Variants in AKAP13 observed in about 807,000 individuals in gnomAD.
AKAP13 encodes A-kinase anchoring protein 13, also known as A-kinase anchor protein 13.
Under a neutral mutation model 264.5 loss-of-function variants are expected in AKAP13, and 80 were observed. That is an observed-to-expected ratio of 0.30 (90% confidence interval 0.25 to 0.36). The LOEUF is 0.36. Ranked by LOEUF, AKAP13 falls within the 10% of genes least tolerant of loss-of-function variation. AKAP13 has a pLI of 1.00. For synonymous variants in AKAP13, 1,380 were observed against 1,250.2 expected (o/e 1.10, Z -2.19); for missense variants, 3,712 against 3,435.2 (o/e 1.08, Z -2.01).
intron 8 of AKAP13, among the ~76,000 whole-genome samples, chr15:85,592,137 G>GT (rs1375529593): frequency 1.6e-5 from 2 of 124,838 alleles, no homozygotes; most frequent in Admixed American, 8.9e-5. Flanking sequence ...CAGTATTCAT[G>GT]TTTTTTTCTT....
chr15:85,512,811 TTTTATGTATGTATGTATGTA>T (rs1567097212), intron 2 of AKAP13, among the ~76,000 whole-genome samples: 1 of 144,452 alleles, frequency 6.9e-6, no homozygotes, highest in Non-Finnish European at 1.5e-5. Context: ...TGTTGACTAT[TTTTATGTATGTATGTATGTA>T]TGTATGTATG....
chr15:85,534,066 C>T (rs1174624012), intron 4 of AKAP13, 186 bp downstream of exon 4: 2 of 591,804 alleles, frequency 3.4e-6, no homozygotes, highest in Non-Finnish European at 5.6e-6. Flanking sequence ...AGCTGTTAAG[C>T]ATGTTGTTGC....
rs1007821538 is a variant in AKAP13, at chr15:85,571,846, G to A, written c.663-3285G>A. On this transcript the variant is annotated intron_variant, in intron 5 of 36. Transcript: ENST00000394518. ...TCAGTAGCAACAGATATTCATGGAA[G>A]CCAGTGGGAAGATACTTGCAATGAC... Among the ~76,000 whole-genome samples the A allele has an allele frequency of 2.0e-5, 3 of 152,216 alleles. No individual in the cohort carries two copies. In the East Asian group the frequency reaches 5.8e-4, roughly 29 times the overall value.
At chr15:85,645,690 GGAAGA>G (rs1200765946) in intron 9 of AKAP13, 123 bp from the exon 10 acceptor site, 6 of 985,622 alleles carry the variant, frequency 6.1e-6, no homozygotes, top group Non-Finnish European at 8.6e-6. Flanking sequence ...AAGGAGGGAA[GGAAGA>G]GAAAAGAGTG....
At chr15:85,521,600 C>T (rs1263659325) in intron 3 of AKAP13, 25 bp downstream of exon 3, 14 of 1,609,166 alleles carry the variant, frequency 8.7e-6, no homozygotes, top group East Asian at 4.5e-5. Context: ...GGGATCCTTA[C>T]TAGCTTTTCC....
intron 33 of AKAP13, among the ~76,000 whole-genome samples, chr15:85,738,118 C>T (rs2088675296): frequency 1.3e-5 from 2 of 152,058 alleles, no homozygotes; most frequent in South Asian, 4.2e-4. Flanking sequence ...ATAAGAGGGG[C>T]CGGGCTCGGT....
intron 3 of AKAP13, among the ~76,000 whole-genome samples, chr15:85,529,351 G>A (rs1031850337): frequency 3.3e-5 from 5 of 152,174 alleles, no homozygotes; most frequent in East Asian, 1.9e-4. Context: ...AACCCGGGAC[G>A]CAGAGCTTGC....
At chr15:85,614,887 A>G (rs74025637) in intron 8 of AKAP13, among the ~76,000 whole-genome samples, 2,836 of 152,294 alleles carry the variant, frequency 0.019, 90 homozygotes, top group African/African-American at 0.065. Flanking sequence ...GGCAAACAGG[A>G]GGTATTCAGT....
At chr15:85,446,086 A>G (rs1244902004) in intron 1 of AKAP13, among the ~76,000 whole-genome samples, 2 of 152,332 alleles carry the variant, frequency 1.3e-5, no homozygotes, top group African/African-American at 4.8e-5. Flanking sequence ...TGATGGCAGC[A>G]GGAAATAAAG....
chr15:85,739,298 T>C (rs1398222593), intron 33 of AKAP13, among the ~76,000 whole-genome samples: 1 of 152,238 alleles, frequency 6.6e-6, no homozygotes, highest in Non-Finnish European at 1.5e-5. Flanking sequence ...GTATTATCAT[T>C]CTTATTAAGT....
chr15:85,480,714 T>C (rs566374856), intron 1 of AKAP13, among the ~76,000 whole-genome samples: 28 of 151,596 alleles, frequency 1.8e-4, no homozygotes, highest in African/African-American at 6.5e-4. Flanking sequence ...TGAGACAGAG[T>C]TTCTCTCTTG....
chr15:85,464,205 TTCCCTG>T (rs1273370655), intron 1 of AKAP13, among the ~76,000 whole-genome samples: 4 of 152,188 alleles, frequency 2.6e-5, no homozygotes, highest in Admixed American at 2.0e-4. Flanking sequence ...AATATCTCCC[TTCCCTG>T]TCCCTGTTGT....
At chr15:85,704,392 C>A (rs1290096170) in intron 17 of AKAP13, among the ~76,000 whole-genome samples, 2 of 151,990 alleles carry the variant, frequency 1.3e-5, no homozygotes, top group Non-Finnish European at 2.9e-5. Flanking sequence ...TATTTTTCTT[C>A]CGAAAGATAA....
At chr15:85,730,984 T>C (rs964863271) in intron 30 of AKAP13, among the ~76,000 whole-genome samples, 106 of 149,518 alleles carry the variant, frequency 7.1e-4, no homozygotes, top group Admixed American at 4.0e-4. Flanking sequence ...TGTTTTTTAA[T>C]TAGTCACTTA....
chr15:85,723,029 C>T, intron 25 of AKAP13, 43 bp from the exon 26 acceptor site: 1 of 1,595,836 alleles, frequency 6.3e-7, no homozygotes, highest in Non-Finnish European at 8.6e-7. Flanking sequence ...CTGCCCTTGT[C>T]CAAAAAGAGC....
intron 2 of AKAP13, among the ~76,000 whole-genome samples, chr15:85,519,937 A>G (rs571006266): frequency 4.1e-4 from 63 of 152,342 alleles, no homozygotes; most frequent in African/African-American, 1.4e-3. Context: ...TATTCTGTAC[A>G]TAATGAGAAT....
rs576853763 is a variant in AKAP13, at chr15:85,653,919, G to A, written c.4375-1498G>A. Among the ~76,000 whole-genome samples the A allele has an allele frequency of 1.4e-3, 217 of 152,200 alleles. 4 individuals carry two copies. In the South Asian group the frequency reaches 0.044, roughly 31 times the overall value. On this transcript the variant is annotated intron_variant, in intron 10 of 36. Coordinates refer to ENST00000394518, the MANE Select transcript of AKAP13 (RefSeq NM_007200.5). ...CCTCACCCATCAAATTCTGTGTTCT[G>A]GTATCTCCTTCCCTCGCTCCCTCTC...
intron 1 of AKAP13, among the ~76,000 whole-genome samples, chr15:85,429,014 T>C (rs1264417325): frequency 6.6e-6 from 1 of 152,236 alleles, no homozygotes; most frequent in Non-Finnish European, 1.5e-5. Flanking sequence ...ATGAAGAAAC[T>C]GTGGTACATG....
At chr15:85,638,595 A>T (rs1182541208) in intron 8 of AKAP13, among the ~76,000 whole-genome samples, 1 of 152,200 alleles carries the variant, frequency 6.6e-6, no homozygotes, top group East Asian at 1.9e-4. Flanking sequence ...AAAATTTAAA[A>T]TTCAATCAAA....
Sources: allele counts gnomAD v4.1 joint callset (sites outside exome capture counted in the v4.1 genomes callset), GRCh38; gene constraint gnomAD v4.1.1; transcripts MANE v1.5; gene names NCBI Gene and HGNC (gene_info 2026-07-23, HGNC 2026-07-21).